The following EIF4E variants were observed in gnomAD, a reference collection of about 807,000 sequenced individuals.
EIF4E encodes eIF-4F 25 kDa subunit.
For missense variants in EIF4E, 113 were observed against 265.6 expected (o/e 0.43, Z 3.99); for synonymous variants, 71 against 88.5 (o/e 0.80, Z 1.11).
intron 2 of EIF4E, 129 bp downstream of exon 2, chr4:98,901,747 G>C (rs1724658383): frequency 1.1e-6 from 1 of 871,844 alleles, no homozygotes; most frequent in African/African-American, 1.7e-5. Context: ...GGTCATCCAA[G>C]TGAAAATAGA....
intron 2 of EIF4E, among the ~76,000 whole-genome samples, chr4:98,900,953 T>A (rs900054235): frequency 1.3e-5 from 2 of 152,248 alleles, no homozygotes; most frequent in Admixed American, 1.3e-4. Context: ...CTGTTCTTAC[T>A]CTATACATCT....
chr4:98,895,857 C>T lies in EIF4E; in HGVS notation c.126-4525G>A, dbSNP rs191723763. 1.6e-4 allele frequency among the ~76,000 whole-genome samples: 24 copies of T among 151,378 alleles called. No individual in the cohort carries two copies. In the East Asian group the frequency reaches 4.4e-3, roughly 27 times the overall value. On this transcript the variant is annotated intron_variant, in intron 2 of 6. Transcript: ENST00000450253. ...CTTGAGCCCAGGAGCTCAAGACTAG[C>T]CTGGACAACAAAGTGAGACCTCATC...
At chr4:98,892,110 G>A (rs967359247) in intron 2 of EIF4E, among the ~76,000 whole-genome samples, 5 of 152,090 alleles carry the variant, frequency 3.3e-5, no homozygotes, top group African/African-American at 9.7e-5. Context: ...ACTCTGGGAG[G>A]CTGAGGTGGG....
intron 1 of EIF4E, among the ~76,000 whole-genome samples, chr4:98,921,126 G>A (rs974226654): frequency 3.5e-4 from 53 of 152,228 alleles, no homozygotes; most frequent in African/African-American, 9.4e-4. Context: ...CTATGTGACC[G>A]TGGTAGAAAG....
chr4:98,882,720 A>G (rs1386790703), intron 6 of EIF4E, among the ~76,000 whole-genome samples: 1 of 152,102 alleles, frequency 6.6e-6, no homozygotes, highest in Non-Finnish European at 1.5e-5. Flanking sequence ...TGGAAGGTTA[A>G]AAAAGAAAAT....
At chr4:98,912,489 T>A (rs1002422208) in intron 1 of EIF4E, among the ~76,000 whole-genome samples, 5 of 151,414 alleles carry the variant, frequency 3.3e-5, no homozygotes, top group African/African-American at 1.2e-4. Context: ...GGCAGGAGAA[T>A]CGCTTGAACC....
chr4:98,925,886 C>T (rs1039208528), intron 1 of EIF4E: 1 of 151,718 alleles, frequency 6.6e-6, no homozygotes, highest in Non-Finnish European at 1.5e-5. Flanking sequence ...AAAATCCAGG[C>T]GAGGCTCGGT....
chr4:98,906,248 C>T lies in EIF4E; in HGVS notation c.19-4266G>A, dbSNP rs538661822. ...CCAGGTTAAGACAAATCACCCAACA[C>T]CTTATTTGAAGTATGGAATAATCAG... On this transcript the variant is annotated intron_variant, in intron 1 of 6. Transcript: ENST00000450253. Among the ~76,000 whole-genome samples the T allele has an allele frequency of 2.6e-5, 4 of 152,274 alleles. 1 individual carries two copies. In the South Asian group the frequency reaches 8.3e-4, roughly 32 times the overall value.
At chr4:98,917,372 A>C (rs529805264) in intron 1 of EIF4E, among the ~76,000 whole-genome samples, 1 of 152,222 alleles carries the variant, frequency 6.6e-6, no homozygotes, top group African/African-American at 2.4e-5. Context: ...CAGCCTCACC[A>C]GATAACAACT....
intron 1 of EIF4E, among the ~76,000 whole-genome samples, chr4:98,908,921 T>C (rs1724993535): frequency 6.6e-6 from 1 of 152,200 alleles, no homozygotes; most frequent in African/African-American, 2.4e-5. Flanking sequence ...GTTGTTTCAG[T>C]ATAATTGTTA....
chr4:98,880,290 C>G lies in EIF4E; in HGVS notation c.*738G>C, dbSNP rs1238560367. On this transcript the variant is annotated 3_prime_UTR_variant, in exon 7 of 7. Transcript: ENST00000450253. ...CCACAATTATGTTTAGGAAATCACA[C>G]AAACATAGATCACTGATTTGAATGA... 1 of 130,494 alleles carries G rather than the reference C, an allele frequency of 7.7e-6. No individual in the cohort carries two copies. The highest frequency in any genetic ancestry group is 2.9e-5 in the African/African-American group (1 of 34,334). The allele number at this position is 130,494 out of a possible 1,614,324, so 8.1% of individuals were successfully genotyped here.
intron 2 of EIF4E, among the ~76,000 whole-genome samples, chr4:98,892,697 A>G (rs932973219): frequency 1.1e-4 from 16 of 151,994 alleles, no homozygotes; most frequent in Non-Finnish European, 2.1e-4. Context: ...AAAAAAAAAA[A>G]AAAGAAGGCG....
At position 98,887,664 on chromosome 4, in the gene EIF4E, C is replaced by T. The variant is rs554151146; in HGVS notation, c.285+225G>A. ...GAAGGAGTAGACTGGATAATCAAAG[C>T]TCTCATCAAAATCAATCTCAGTATG... is the stretch of plus-strand genomic sequence containing the variant. On this transcript the variant is annotated intron_variant, in intron 4 of 6. Coordinates refer to ENST00000450253, the MANE Select transcript of EIF4E (RefSeq NM_001968.5). This position sits in a 1 kb window ranked among gnomAD's most constrained non-coding sequence, Gnocchi z 4.0. Among the ~76,000 whole-genome samples the T allele has an allele frequency of 1.5e-3, 221 of 152,192 alleles. No homozygotes were observed. Among genetic ancestry groups the T allele is most frequent in the Non-Finnish European group, 2.7e-3 (182 of 68,010 alleles).
At chr4:98,892,696 AAAAAG>A (rs1724203780) in intron 2 of EIF4E, among the ~76,000 whole-genome samples, 1 of 152,000 alleles carries the variant, frequency 6.6e-6, no homozygotes, top group African/African-American at 2.4e-5. Context: ...AAAAAAAAAA[AAAAAG>A]AAGGCGAGAA....
At chr4:98,925,792 C>A (rs1046571168) in intron 1 of EIF4E, among the ~76,000 whole-genome samples, 1 of 152,090 alleles carries the variant, frequency 6.6e-6, no homozygotes, top group East Asian at 1.9e-4. Flanking sequence ...CACAAACTAG[C>A]TGAAGTAAGA....
In EIF4E at chr4:98,880,012, C is replaced by G. The variant is rs1414455392; in HGVS notation, c.*1016G>C. ...AGAGACTGCCTTGCAATAAGAAGTACAAATTCCTTCTATAAAGATGGAGAA... is the reference window on the plus strand; with the variant it reads ...AGAGACTGCCTTGCAATAAGAAGTAGAAATTCCTTCTATAAAGATGGAGAA... On this transcript the variant is annotated 3_prime_UTR_variant, in exon 7 of 7. Transcript: ENST00000450253. 1 of 152,492 alleles carries G rather than the reference C, an allele frequency of 6.6e-6. No homozygotes were observed. Among genetic ancestry groups the G allele is most frequent in the Non-Finnish European group, 1.5e-5 (1 of 67,976 alleles). The allele number at this position is 152,492 out of a possible 1,614,324, so 9.4% of individuals were successfully genotyped here.
At chr4:98,916,145 G>A (rs1052860424) in intron 1 of EIF4E, among the ~76,000 whole-genome samples, 6 of 151,640 alleles carry the variant, frequency 4.0e-5, no homozygotes, top group African/African-American at 1.5e-4. Flanking sequence ...GAGCCAAGAT[G>A]GTGCCACTGC....
chr4:98,882,316 T>A (rs1377029144), intron 6 of EIF4E, among the ~76,000 whole-genome samples: 1 of 143,338 alleles, frequency 7.0e-6, no homozygotes. Flanking sequence ...GGCGTGAACC[T>A]GGGAGGCAGA....
rs942422353 is a variant in EIF4E, at chr4:98,911,625, C to T, written c.19-9643G>A. Among the ~76,000 whole-genome samples, 4 of 132,692 alleles carry T rather than the reference C, an allele frequency of 3.0e-5. No individual in the cohort carries two copies. In the South Asian group the frequency reaches 9.5e-4, roughly 31 times the overall value. The allele number at this position is 132,692 out of a possible 152,430, so 87.1% of individuals were successfully genotyped here. On this transcript the variant is annotated intron_variant, in intron 1 of 6. Transcript: ENST00000450253. ...GCAGTGAGCTGAGATCAAGCCACTG[C>T]ACTCCAGCCTGGGCAACAAGAGCGA...
Sources: allele counts gnomAD v4.1 joint callset (sites outside exome capture counted in the v4.1 genomes callset), GRCh38; gene constraint gnomAD v4.1.1; non-coding constraint Gnocchi (gnomAD v3.1); transcripts MANE v1.5; gene names NCBI Gene and HGNC (gene_info 2026-07-23, HGNC 2026-07-21).